The following ZDHHC20 variants were observed in gnomAD, a reference collection of about 807,000 sequenced individuals.
ZDHHC20 encodes the protein zDHHC palmitoyltransferase 20.
ZDHHC20 carries 43 observed loss-of-function variants against 57.8 expected under a neutral mutation model. The ratio of observed to expected loss-of-function variants is 0.74; its 90% CI spans 0.58 to 0.96. The LOEUF (loss-of-function observed/expected upper bound fraction) is 0.96. Ranked by LOEUF, ZDHHC20 falls within the 40% of genes least tolerant of loss-of-function variation. The pLI is 0.00. For missense variants in ZDHHC20, 391 were observed against 441.1 expected, an observed-to-expected ratio of 0.89 and a Z score of 1.02; for synonymous variants, 157 against 153.0, an observed-to-expected ratio of 1.03 and a Z score of -0.19.
chr13:21,412,172 A>G (rs1395903080), intron 4 of ZDHHC20, among the ~76,000 whole-genome samples: 1 of 152,182 alleles, frequency 6.6e-6, no homozygotes, highest in Non-Finnish European at 1.5e-5. Context: ...TAGACGTGCA[A>G]TCCTTGAATG....
intron 1 of ZDHHC20, among the ~76,000 whole-genome samples, chr13:21,434,088 G>A (rs931800410): frequency 4.1e-5 from 3 of 73,618 alleles, no homozygotes; most frequent in African/African-American, 1.2e-4. Context: ...CCTTTCCTAC[G>A]TGTGTGTGTG....
chr13:21,399,524 C>T (rs886987746), intron 7 of ZDHHC20, among the ~76,000 whole-genome samples: 1 of 151,792 alleles, frequency 6.6e-6, no homozygotes, highest in Non-Finnish European at 1.5e-5. Context: ...GTAGTTTTTC[C>T]TCAAAAAATA....
chr13:21,425,883 G>A (rs1234399925), intron 1 of ZDHHC20, among the ~76,000 whole-genome samples: 2 of 151,976 alleles, frequency 1.3e-5, no homozygotes, highest in African/African-American at 2.4e-5. Flanking sequence ...TATCATTAAC[G>A]CTACAGTCAC....
At chr13:21,455,006 C>T (rs1450196973) in intron 1 of ZDHHC20, among the ~76,000 whole-genome samples, 15 of 152,302 alleles carry the variant, frequency 9.8e-5, no homozygotes, top group Admixed American at 2.6e-4. Flanking sequence ...CTGCAAGCTC[C>T]GCCTCCCAGG....
At chr13:21,450,437 G>A (rs1479157633) in intron 1 of ZDHHC20, among the ~76,000 whole-genome samples, 2 of 152,066 alleles carry the variant, frequency 1.3e-5, no homozygotes, top group Non-Finnish European at 2.9e-5. Context: ...GAGTTTATGT[G>A]GGGAAATAAA....
chr13:21,412,967 CAAAAAAAAAAAA>C (rs60707653), intron 4 of ZDHHC20, among the ~76,000 whole-genome samples: 4 of 67,102 alleles, frequency 6.0e-5, no homozygotes, highest in Non-Finnish European at 8.0e-5. Flanking sequence ...GACTCCGTCT[CAAAAAAAAAAAA>C]AAAAAAAAAA....
chr13:21,426,303 ACT>A (rs1881240685), intron 1 of ZDHHC20, among the ~76,000 whole-genome samples: 1 of 151,924 alleles, frequency 6.6e-6, no homozygotes, highest in South Asian at 2.1e-4. Flanking sequence ...ACTGCTATTT[ACT>A]CTTTCTTCCT....
At chr13:21,397,161 G>A (rs771061976) in intron 7 of ZDHHC20, among the ~76,000 whole-genome samples, 1 of 152,176 alleles carries the variant, frequency 6.6e-6, no homozygotes, top group East Asian at 1.9e-4. Context: ...TTGGGAGACC[G>A]AGGCGGGCGG....
chr13:21,454,068 G>A (rs146615136), intron 1 of ZDHHC20, among the ~76,000 whole-genome samples: 5,410 of 152,136 alleles, frequency 0.036, 180 homozygotes, highest in South Asian at 0.058. Context: ...GCTCACACCC[G>A]TAATCCCAGC....
At chr13:21,446,252 G>C (rs1668930035) in intron 1 of ZDHHC20, among the ~76,000 whole-genome samples, 1 of 152,124 alleles carries the variant, frequency 6.6e-6, no homozygotes, top group Non-Finnish European at 1.5e-5. Context: ...GCTGTAAGGG[G>C]AAAATATGAA....
At chr13:21,430,301 C>A (rs561347617) in intron 1 of ZDHHC20, among the ~76,000 whole-genome samples, 2 of 152,160 alleles carry the variant, frequency 1.3e-5, no homozygotes, top group African/African-American at 4.8e-5. Flanking sequence ...CTTCTGCACA[C>A]ATATCTTGGC....
chr13:21,396,842 A>G (rs73153930), intron 7 of ZDHHC20, among the ~76,000 whole-genome samples: 2 of 148,076 alleles, frequency 1.4e-5, no homozygotes, highest in Admixed American at 6.7e-5. Flanking sequence ...CAAAAAAAAA[A>G]AAAGAAAGAA....
chr13:21,403,307 C>A (rs979051420), intron 4 of ZDHHC20, among the ~76,000 whole-genome samples: 5 of 143,600 alleles, frequency 3.5e-5, no homozygotes, highest in Admixed American at 6.9e-5. Context: ...AAAAAAAAAA[C>A]ACTTTTTATC....
chr13:21,430,060 C>A (rs1316486618), intron 1 of ZDHHC20, among the ~76,000 whole-genome samples: 1 of 152,180 alleles, frequency 6.6e-6, no homozygotes, highest in Non-Finnish European at 1.5e-5. Flanking sequence ...ATTCCAACAT[C>A]TGTGTCTTTT....
chr13:21,434,826 C>T (rs1458792341), intron 1 of ZDHHC20, among the ~76,000 whole-genome samples: 1 of 151,532 alleles, frequency 6.6e-6, no homozygotes, highest in Non-Finnish European at 1.5e-5. Flanking sequence ...GTGGATATTC[C>T]AGTTATACAA....
chr13:21,457,538 T>G (rs1218604874), intron 1 of ZDHHC20, among the ~76,000 whole-genome samples: 1 of 152,208 alleles, frequency 6.6e-6, no homozygotes. Flanking sequence ...AGCATGAGAC[T>G]AAACAATGAT....
intron 1 of ZDHHC20, among the ~76,000 whole-genome samples, chr13:21,458,608 G>A (rs554525878): frequency 1.3e-5 from 2 of 152,164 alleles, no homozygotes; most frequent in Admixed American, 6.5e-5. Context: ...GGTAACAGGC[G>A]TTTCTTCTCG....
chr13:21,405,932 A>G (rs1458206502), intron 4 of ZDHHC20, among the ~76,000 whole-genome samples: 1 of 152,200 alleles, frequency 6.6e-6, no homozygotes, highest in Non-Finnish European at 1.5e-5. Flanking sequence ...GAACATACAA[A>G]TGCAAAAAGC....
At chr13:21,458,501 T>C (rs547605751) in intron 1 of ZDHHC20, among the ~76,000 whole-genome samples, 1 of 152,152 alleles carries the variant, frequency 6.6e-6, no homozygotes, top group Admixed American at 6.5e-5. Context: ...AAATCAAAAG[T>C]GGGAGCTTAC....
Sources: allele counts gnomAD v4.1 joint callset (sites outside exome capture counted in the v4.1 genomes callset), GRCh38; gene constraint gnomAD v4.1.1; transcripts MANE v1.5; gene names NCBI Gene and HGNC (gene_info 2026-07-23, HGNC 2026-07-21).